Variants in ST6GALNAC5 observed in about 807,000 individuals in gnomAD.
The protein encoded by ST6GALNAC5 is alpha-N-acetylgalactosaminide alpha-2,6-sialyltransferase 5.
Under a neutral mutation model 33.6 loss-of-function variants are expected in ST6GALNAC5, and 27 were observed. The ratio of observed to expected loss-of-function variants is 0.80; its 90% confidence interval spans 0.59 to 1.11. The LOEUF is 1.11. Ranked by LOEUF, ST6GALNAC5 falls within the 50% of genes least tolerant of loss-of-function variation. The pLI is 0.00. For missense variants in ST6GALNAC5, 428 were observed against 454.0 expected, an observed-to-expected ratio of 0.94 and a Z score of 0.52; for synonymous variants, 194 against 171.2, an observed-to-expected ratio of 1.13 and a Z score of -1.04.
At chr1:77,042,218 T>A (rs950214672) in intron 2 of ST6GALNAC5, among the ~76,000 whole-genome samples, 4 of 152,262 alleles carry the variant, frequency 2.6e-5, no homozygotes, top group Non-Finnish European at 4.4e-5. Flanking sequence ...CAGTTGTGGC[T>A]GAAAAGCACT....
chr1:76,868,613 G>GCAA lies in ST6GALNAC5; in HGVS notation c.135_137dup (p.Gln49dup). On this transcript the variant is annotated inframe_insertion, in exon 2 of 5. Transcript: ENST00000477717. This position sits in a 1 kb window ranked among gnomAD's most constrained non-coding sequence, Gnocchi z 4.3. ...CCCCGCAGCAGCAGCAGCAGCAGCA[G>GCAA]CAACAGCAGCAGCAGGCGTCGGCCA... is the stretch of plus-strand genomic sequence containing the variant. 3 of 1,607,606 alleles carry GCAA rather than the reference G, an allele frequency of 1.9e-6. No individual in the cohort carries two copies. The highest frequency in any genetic ancestry group is 2.5e-6 in the Non-Finnish European group (3 of 1,178,082).
chr1:76,922,932 C>A (rs1647048539), intron 2 of ST6GALNAC5, among the ~76,000 whole-genome samples: 1 of 145,688 alleles, frequency 6.9e-6, no homozygotes, highest in Non-Finnish European at 1.5e-5. Flanking sequence ...TGAAACCTTG[C>A]CTCAAAAAAA....
chr1:76,945,122 T>C (rs1647470866), intron 2 of ST6GALNAC5, among the ~76,000 whole-genome samples: 2 of 152,046 alleles, frequency 1.3e-5, no homozygotes, highest in Non-Finnish European at 2.9e-5. Context: ...ACCCTCCATA[T>C]TGACCTGAGC....
At chr1:76,908,534 A>T (rs1646884695) in intron 2 of ST6GALNAC5, among the ~76,000 whole-genome samples, 1 of 152,110 alleles carries the variant, frequency 6.6e-6, no homozygotes, top group South Asian at 2.1e-4. Context: ...TTCTTTCAAG[A>T]CTTTTACACA....
At chr1:77,027,884 G>A (rs1328573349) in intron 2 of ST6GALNAC5, among the ~76,000 whole-genome samples, 1 of 152,178 alleles carries the variant, frequency 6.6e-6, no homozygotes, top group African/African-American at 2.4e-5. Context: ...CACTTCAATA[G>A]TGCTTTAGAG....
chr1:77,002,241 T>G (rs1021994732), intron 2 of ST6GALNAC5, among the ~76,000 whole-genome samples: 1 of 152,206 alleles, frequency 6.6e-6, no homozygotes, highest in Non-Finnish European at 1.5e-5. Context: ...GTCGAGGAAT[T>G]TATCCATTTC....
chr1:77,043,225 T>C (rs1651891310), intron 2 of ST6GALNAC5, among the ~76,000 whole-genome samples: 1 of 152,272 alleles, frequency 6.6e-6, no homozygotes, highest in Non-Finnish European at 1.5e-5. Flanking sequence ...GGCCTTGGCC[T>C]CGGGCCGTAA....
intron 3 of ST6GALNAC5, among the ~76,000 whole-genome samples, chr1:77,045,793 T>G (rs1021890922): frequency 6.6e-6 from 1 of 151,596 alleles, no homozygotes; most frequent in Non-Finnish European, 1.5e-5. Flanking sequence ...TGACACAAGG[T>G]GAAGAAGAGA....
At chr1:76,925,735 A>C (rs1046327571) in intron 2 of ST6GALNAC5, among the ~76,000 whole-genome samples, 4 of 152,272 alleles carry the variant, frequency 2.6e-5, no homozygotes, top group African/African-American at 9.6e-5. Context: ...TCATTAGTAA[A>C]TATAAACATT....
At chr1:76,877,583 A>C (rs1367326461) in intron 2 of ST6GALNAC5, among the ~76,000 whole-genome samples, 1 of 152,204 alleles carries the variant, frequency 6.6e-6, no homozygotes, top group African/African-American at 2.4e-5. Flanking sequence ...GGACCCCTAG[A>C]AATTTTACTG....
chr1:77,056,052 G>A (rs1430017153), intron 4 of ST6GALNAC5, among the ~76,000 whole-genome samples: 2 of 152,158 alleles, frequency 1.3e-5, no homozygotes, highest in Non-Finnish European at 2.9e-5. Context: ...CCAGCTCTGG[G>A]TACTCAAAGA....
intron 2 of ST6GALNAC5, among the ~76,000 whole-genome samples, chr1:76,999,804 T>C (rs1650075076): frequency 1.4e-5 from 2 of 143,288 alleles, no homozygotes; most frequent in African/African-American, 4.9e-5. Context: ...TCCATGTCCC[T>C]ACAAAGGACA....
chr1:76,995,578 C>T (rs1649899329), intron 2 of ST6GALNAC5: 1 of 151,910 alleles, frequency 6.6e-6, no homozygotes, highest in African/African-American at 2.4e-5. Context: ...AGCTTTCTGT[C>T]TCTCTCCTAG....
At chr1:76,883,029 A>C (rs1653817330) in intron 2 of ST6GALNAC5, among the ~76,000 whole-genome samples, 1 of 152,174 alleles carries the variant, frequency 6.6e-6, no homozygotes. Context: ...TTTCCCAGAT[A>C]CAACATCTAT....
chr1:76,925,892 T>C (rs1196660015), intron 2 of ST6GALNAC5, among the ~76,000 whole-genome samples: 1 of 152,196 alleles, frequency 6.6e-6, no homozygotes, highest in Non-Finnish European at 1.5e-5. Flanking sequence ...AAGGACATTT[T>C]GATCCATAAG....
intron 2 of ST6GALNAC5, among the ~76,000 whole-genome samples, chr1:77,018,834 A>G (rs11162251): frequency 0.033 from 5,044 of 152,320 alleles, 200 homozygotes; most frequent in African/African-American, 0.095. Context: ...TATCATTCTT[A>G]AATATCTTGT....
intron 2 of ST6GALNAC5, among the ~76,000 whole-genome samples, chr1:76,966,962 G>T (rs900561465): frequency 2.0e-5 from 3 of 152,212 alleles, no homozygotes; most frequent in African/African-American, 7.2e-5. Flanking sequence ...TGATCGTGGT[G>T]CATAAGCTTT....
intron 2 of ST6GALNAC5, among the ~76,000 whole-genome samples, chr1:76,961,455 A>G (rs858602): frequency 0.024 from 3,608 of 152,268 alleles, 143 homozygotes; most frequent in African/African-American, 0.083. Context: ...AAGCCCATCA[A>G]TGGTTTTCAT....
intron 3 of ST6GALNAC5, among the ~76,000 whole-genome samples, chr1:77,046,536 A>G (rs1340748508): frequency 6.6e-6 from 1 of 152,216 alleles, no homozygotes; most frequent in Non-Finnish European, 1.5e-5. Context: ...AGCAGACCCC[A>G]TGGGCAGCCC....
Sources: allele counts gnomAD v4.1 joint callset (sites outside exome capture counted in the v4.1 genomes callset), GRCh38; gene constraint gnomAD v4.1.1; non-coding constraint Gnocchi (gnomAD v3.1); transcripts MANE v1.5; gene names NCBI Gene and HGNC (gene_info 2026-07-23, HGNC 2026-07-21).